Variants in EYA3 observed in about 807,000 individuals in gnomAD.
EYA3 encodes the protein protein phosphatase EYA3.
In EYA3, 39 loss-of-function variants were observed where a neutral mutation model predicts 80.0. That is an observed-to-expected ratio of 0.49 (90% CI 0.38 to 0.64). EYA3 has a LOEUF of 0.64. Among genes scored for constraint, EYA3 ranks in the 30% least tolerant of loss-of-function variants. EYA3 has a pLI of 0.00. For missense variants in EYA3, 523 were observed against 676.1 expected, an observed-to-expected ratio of 0.77 and a Z score of 2.51; for synonymous variants, 206 against 232.8, an observed-to-expected ratio of 0.88 and a Z score of 1.05.
intron 7 of EYA3, among the ~76,000 whole-genome samples, chr1:28,021,632 C>G (rs545079458): frequency 6.6e-6 from 1 of 151,036 alleles, no homozygotes; most frequent in Non-Finnish European, 1.5e-5. Context: ...TAGATGCACT[C>G]TCACTCTGTC....
chr1:28,064,656 T>A (rs1644766834), intron 1 of EYA3, among the ~76,000 whole-genome samples: 1 of 152,108 alleles, frequency 6.6e-6, no homozygotes. Context: ...GTTTTTATTT[T>A]TTTTATTTTT....
chr1:28,008,931 C>T (rs1217140775), intron 10 of EYA3, among the ~76,000 whole-genome samples: 1 of 152,016 alleles, frequency 6.6e-6, no homozygotes, highest in Admixed American at 6.6e-5. Flanking sequence ...CAAATCAAAG[C>T]CACAATAAGA....
chr1:28,086,995 G>C (rs1488547715), intron 1 of EYA3, among the ~76,000 whole-genome samples: 1 of 152,160 alleles, frequency 6.6e-6, no homozygotes, highest in Non-Finnish European at 1.5e-5. Flanking sequence ...ATCATATAAT[G>C]AAGATTTTTC....
chr1:27,979,516 C>T (rs1639165860), intron 16 of EYA3, among the ~76,000 whole-genome samples: 1 of 152,196 alleles, frequency 6.6e-6, no homozygotes, highest in Non-Finnish European at 1.5e-5. Context: ...AGAAACATGG[C>T]AGTGTATCAA....
rs1644152927 is a variant in EYA3 at position 28,049,299 on chromosome 1, T to G, written c.34-873A>C. Among the ~76,000 whole-genome samples the G allele has an allele frequency of 2.0e-5, 3 of 152,314 alleles. No individual in the cohort carries two copies. In the South Asian group the frequency reaches 6.2e-4, roughly 32 times the overall value. On this transcript the variant is annotated intron_variant, in intron 2 of 17. Transcript: ENST00000373871. ...TACTCCTCATGAGAATACACAACCA[T>G]GACCAGACATTCTTGGTTCCTTGCT...
chr1:28,058,783 C>T (rs950058384), intron 1 of EYA3, among the ~76,000 whole-genome samples: 9 of 152,162 alleles, frequency 5.9e-5, no homozygotes, highest in African/African-American at 1.7e-4. Context: ...TCAGACCCTG[C>T]TCTTTCTGTC....
chr1:28,047,813 G>C (rs920268268), intron 3 of EYA3, among the ~76,000 whole-genome samples: 6 of 151,992 alleles, frequency 3.9e-5, no homozygotes, highest in Non-Finnish European at 8.8e-5. Context: ...TAATAATTTT[G>C]TATTTTTAGT....
chr1:28,020,517 T>C (rs997563515), intron 7 of EYA3, among the ~76,000 whole-genome samples: 3 of 152,060 alleles, frequency 2.0e-5, no homozygotes, highest in African/African-American at 7.2e-5. Flanking sequence ...TGAGGGAAGT[T>C]AGTCAATAAT....
chr1:28,003,929 T>C (rs189254440), intron 11 of EYA3, among the ~76,000 whole-genome samples: 10 of 152,314 alleles, frequency 6.6e-5, no homozygotes, highest in African/African-American at 9.6e-5. Flanking sequence ...ATTTTACTTA[T>C]ATATATCTGG....
In EYA3 at chr1:27,974,259, C is replaced by G. The variant is rs1329025722; in HGVS notation, c.*207G>C. ...CTCGCCAGCATTCCATGGATAAAGA[C>G]AGAGAGAGAGAGAGAGAGAGAGGCA... On this transcript the variant is annotated 3_prime_UTR_variant, in exon 18 of 18. Transcript: ENST00000373871. 5 of 338,404 alleles carry G rather than the reference C, an allele frequency of 1.5e-5. No homozygotes were observed. The highest frequency in any genetic ancestry group is 6.9e-5 in the African/African-American group (3 of 43,306). The allele number at this position is 338,404 out of a possible 1,614,324, so 21.0% of individuals were successfully genotyped here. A position where few individuals can be genotyped will look rare whatever the true frequency, so the allele number is the denominator to read the frequency against.
intron 10 of EYA3, 85 bp from the exon 11 acceptor site, chr1:28,004,504 G>T (rs946091387): frequency 4.3e-6 from 4 of 935,700 alleles, no homozygotes; most frequent in Non-Finnish European, 6.7e-6. Context: ...AGAGAACTGG[G>T]AAATTCATAA....
Position 28,047,279 on chromosome 1 carries a change from C to T in EYA3, c.77+1104G>A, listed in dbSNP as rs185543103. On this transcript the variant is annotated intron_variant, in intron 3 of 17. Transcript: ENST00000373871. ...TCCCAAGTAGCTGGGATTATAGGCT[C>T]AAGTCACCACGCCGAGCTAATTTTT... Among the ~76,000 whole-genome samples, 397 of 152,106 alleles carry T rather than the reference C, an allele frequency of 2.6e-3. 1 individual carries two copies. The highest frequency in any genetic ancestry group is 8.8e-3 in the African/African-American group (364 of 41,464).
chr1:28,078,969 A>G (rs1423201034), intron 1 of EYA3, among the ~76,000 whole-genome samples: 2 of 152,244 alleles, frequency 1.3e-5, no homozygotes, highest in Non-Finnish European at 2.9e-5. Flanking sequence ...CTTAAAATGT[A>G]TGATATGCCA....
Position 27,973,095 on chromosome 1 carries a change from G to A in EYA3, c.*1371C>T, listed in dbSNP as rs1480733866. ...TCTTTCTGGTTTCCTACTTTAGAAT[G>A]GGATTTGAGAAGCAGGGTTTTCCAT... On this transcript the variant is annotated 3_prime_UTR_variant, in exon 18 of 18. Coordinates refer to ENST00000373871, the MANE Select transcript of EYA3 (RefSeq NM_001990.4). 2 of 152,162 alleles carry A rather than the reference G, an allele frequency of 1.3e-5. No individual in the cohort carries two copies. Among genetic ancestry groups the A allele is most frequent in the African/African-American group, 4.8e-5 (2 of 41,442 alleles). The allele number at this position is 152,162 out of a possible 1,614,324, so 9.4% of individuals were successfully genotyped here. A position where few individuals can be genotyped will look rare whatever the true frequency, so the allele number is the denominator to read the frequency against.
At chr1:28,004,442 A>C (rs367580635) in intron 10 of EYA3, 23 bp from the exon 11 acceptor site, 464 of 1,561,026 alleles carry the variant, frequency 3.0e-4, no homozygotes, top group Middle Eastern at 1.3e-3. Flanking sequence ...AATATAAAAA[A>C]TGAGTATATT....
Position 27,989,653 on chromosome 1 carries a change from A to G in EYA3, c.1418+44T>C, listed in dbSNP as rs369427211. ...GCTTATCCTGAACTGGAGTAGAAGA[A>G]TATGTCGCTGAGAGGATGAGACCTA... On this transcript the variant is annotated intron_variant, in intron 15 of 17. Coordinates refer to ENST00000373871, the MANE Select transcript of EYA3 (RefSeq NM_001990.4). 3.9e-6 allele frequency: 5 copies of G among 1,292,070 alleles called. No homozygotes were observed. In the African/African-American group the frequency reaches 5.9e-5, roughly 15 times the overall value. 80.0% of individuals were successfully genotyped at this position (1,292,070 alleles called of 1,614,324 possible). A position where few individuals can be genotyped will look rare whatever the true frequency, so the allele number is the denominator to read the frequency against.
Position 28,011,050 on chromosome 1 carries a change from G to T in EYA3, c.806C>A (p.Thr269Lys). 2 of 1,613,926 alleles carry T rather than the reference G, an allele frequency of 1.2e-6. No individual in the cohort carries two copies. Among genetic ancestry groups the T allele is most frequent in the South Asian group, 2.2e-5 (2 of 91,054 alleles). ...PSTSPSLSQT[T>K]PSKDTDDQSR... ...CTGATCATCAGTATCTTTACTTGGT[G>T]TAGTCTGGGACAAAGATGGACTTGT... The change falls in exon 10 of 18, where the codon ACA becomes AAA. Residue 269 changes from threonine (T) to lysine (K), a missense_variant. Coordinates refer to ENST00000373871, the MANE Select transcript of EYA3 (RefSeq NM_001990.4).
chr1:27,987,014 T>G (rs1639706794), intron 16 of EYA3, among the ~76,000 whole-genome samples: 1 of 152,222 alleles, frequency 6.6e-6, no homozygotes, highest in Admixed American at 6.5e-5. Context: ...TTAACAATTT[T>G]TAAGTGTAAA....
At chr1:28,023,985 T>C (rs1298059546) in intron 7 of EYA3, among the ~76,000 whole-genome samples, 1 of 152,178 alleles carries the variant, frequency 6.6e-6, no homozygotes, top group Non-Finnish European at 1.5e-5. Context: ...ACACCTGTCA[T>C]CTCAACAGTT....
Sources: allele counts gnomAD v4.1 joint callset (sites outside exome capture counted in the v4.1 genomes callset), GRCh38; gene constraint gnomAD v4.1.1; transcripts MANE v1.5; gene names NCBI Gene and HGNC (gene_info 2026-07-23, HGNC 2026-07-21).